The following IKZF3 variants were observed in gnomAD, a reference collection of about 807,000 sequenced individuals.
IKZF3 encodes zinc finger protein Aiolos.
Under a neutral mutation model 49.0 loss-of-function variants are expected in IKZF3, and 10 were observed. That is an observed-to-expected ratio of 0.20 (90% CI 0.13 to 0.35). The LOEUF is 0.35. Among genes scored for constraint, IKZF3 ranks in the 10% least tolerant of loss-of-function variants. The pLI is 1.00. For synonymous variants in IKZF3, 209 were observed against 228.2 expected (o/e 0.92, Z 0.76); for missense variants, 498 against 664.8 (o/e 0.75, Z 2.76).
intron 1 of IKZF3, chr17:39,835,697 C>T (rs2062256083): frequency 4.2e-6 from 2 of 475,258 alleles, no homozygotes; most frequent in African/African-American, 2.0e-5. Context: ...AGATCTGGGA[C>T]TGGAGCTCCC....
At chr17:39,805,626 T>C (rs1053957508) in intron 3 of IKZF3, among the ~76,000 whole-genome samples, 1 of 152,196 alleles carries the variant, frequency 6.6e-6, no homozygotes, top group African/African-American at 2.4e-5. Context: ...TGAGAAATAA[T>C]AGAAGAAACT....
At chr17:39,828,642 T>C (rs2062021685) in intron 3 of IKZF3, among the ~76,000 whole-genome samples, 1 of 152,088 alleles carries the variant, frequency 6.6e-6, no homozygotes, top group African/African-American at 2.4e-5. Flanking sequence ...TACTGTGCAG[T>C]ACTGTGAGAC....
At position 39,765,188 on chromosome 17, in the gene IKZF3, T is replaced by C. The variant is rs1437989181; in HGVS notation, c.*602A>G. On this transcript the variant is annotated 3_prime_UTR_variant, in exon 8 of 8. Transcript: ENST00000346872. Reference sequence around the variant, plus strand: ...GTAAAGGACAGAAGCAGAAGTGCCATCAGATGACATTTTTTAAAAATGTTG... The same window carrying C: ...GTAAAGGACAGAAGCAGAAGTGCCACCAGATGACATTTTTTAAAAATGTTG... The C allele has an allele frequency of 1.3e-5, 2 of 152,412 alleles. No homozygotes were observed. The highest frequency in any genetic ancestry group is 2.9e-5 in the Non-Finnish European group (2 of 68,070). The allele number at this position is 152,412 out of a possible 1,614,324, so 9.4% of individuals were successfully genotyped here.
At chr17:39,837,219 G>T (rs973393044) in intron 1 of IKZF3, among the ~76,000 whole-genome samples, 3 of 151,938 alleles carry the variant, frequency 2.0e-5, no homozygotes, top group African/African-American at 7.3e-5. Flanking sequence ...ACAGGTGTGA[G>T]CCACTGTGCC....
chr17:39,789,860 C>G (rs533406330), intron 5 of IKZF3, among the ~76,000 whole-genome samples: 2 of 143,980 alleles, frequency 1.4e-5, no homozygotes, highest in South Asian at 4.3e-4. Flanking sequence ...AAGATCACGC[C>G]ACTGCAACAG....
At chr17:39,771,220 T>C (rs1037997105) in intron 7 of IKZF3, among the ~76,000 whole-genome samples, 3 of 152,198 alleles carry the variant, frequency 2.0e-5, no homozygotes, top group African/African-American at 7.2e-5. Flanking sequence ...ATGGTTCCCA[T>C]AGCAGAGGGA....
chr17:39,800,250 T>C (rs1000607114), intron 3 of IKZF3, among the ~76,000 whole-genome samples: 4 of 152,238 alleles, frequency 2.6e-5, no homozygotes, highest in South Asian at 2.1e-4. Flanking sequence ...ACATCTTAAG[T>C]TGACACTTAG....
intron 7 of IKZF3, among the ~76,000 whole-genome samples, chr17:39,771,801 G>A (rs1442107944): frequency 1.3e-5 from 2 of 152,086 alleles, no homozygotes; most frequent in African/African-American, 2.4e-5. Flanking sequence ...TTGCAGTGGC[G>A]TGATCACAGC....
intron 1 of IKZF3, among the ~76,000 whole-genome samples, chr17:39,854,610 T>A (rs2062984422): frequency 6.6e-6 from 1 of 152,198 alleles, no homozygotes; most frequent in Admixed American, 6.6e-5. Context: ...GAATGAGGGA[T>A]GGCTTCCTAA....
intron 7 of IKZF3, among the ~76,000 whole-genome samples, chr17:39,772,872 C>T (rs1475808160): frequency 2.0e-5 from 3 of 152,142 alleles, no homozygotes; most frequent in Non-Finnish European, 4.4e-5. Flanking sequence ...GTTGCCCAAG[C>T]TGGTGCGATC....
chr17:39,790,179 G>A (rs1249940622), intron 5 of IKZF3, among the ~76,000 whole-genome samples: 2 of 151,984 alleles, frequency 1.3e-5, no homozygotes, highest in African/African-American at 4.8e-5. Context: ...AGAGGCTTTG[G>A]GATTTAAAGC....
At chr17:39,806,186 T>C (rs898278599) in intron 3 of IKZF3, among the ~76,000 whole-genome samples, 4 of 152,184 alleles carry the variant, frequency 2.6e-5, no homozygotes, top group Non-Finnish European at 4.4e-5. Context: ...CTATACCTAA[T>C]AGGGCTGTTA....
chr17:39,791,040 C>T (rs546318502), intron 5 of IKZF3, among the ~76,000 whole-genome samples: 2 of 152,210 alleles, frequency 1.3e-5, no homozygotes, highest in African/African-American at 4.8e-5. Context: ...ATTTGCTTGT[C>T]TCGTCTTTTG....
In IKZF3 at chr17:39,762,319, A is replaced by G. The variant is rs2060200616; in HGVS notation, c.*3471T>C. 1 of 152,242 alleles carries G rather than the reference A, an allele frequency of 6.6e-6. No individual in the cohort carries two copies. Among genetic ancestry groups the G allele is most frequent in the Non-Finnish European group, 1.5e-5 (1 of 68,050 alleles). 9.4% of individuals were successfully genotyped at this position (152,242 alleles called of 1,614,324 possible). A position where few individuals can be genotyped will look rare whatever the true frequency, so the allele number is the denominator to read the frequency against. On this transcript the variant is annotated 3_prime_UTR_variant, in exon 8 of 8. Coordinates refer to ENST00000346872, the MANE Select transcript of IKZF3 (RefSeq NM_012481.5). Reference sequence around the variant, plus strand: ...ACAGAAGGCAGCGTTTATCTGTGTGATGGTAACCACTGCATATCTGGTTCA... The same window carrying G: ...ACAGAAGGCAGCGTTTATCTGTGTGGTGGTAACCACTGCATATCTGGTTCA...
intron 1 of IKZF3, among the ~76,000 whole-genome samples, chr17:39,845,059 T>C (rs1229078202): frequency 1.3e-5 from 2 of 152,212 alleles, no homozygotes; most frequent in African/African-American, 4.8e-5. Flanking sequence ...TATATCTCTA[T>C]TGTTGATCCC....
chr17:39,835,068 G>A (rs1232812663), intron 1 of IKZF3: 2 of 420,840 alleles, frequency 4.8e-6, no homozygotes, highest in South Asian at 1.8e-5. Flanking sequence ...AAAGGAGCTG[G>A]AGCCCCCGCC....
At chr17:39,814,651 G>A (rs551731779) in intron 3 of IKZF3, among the ~76,000 whole-genome samples, 3 of 152,120 alleles carry the variant, frequency 2.0e-5, no homozygotes, top group South Asian at 2.1e-4. Context: ...TGAAGCCCAC[G>A]TGACAATGGA....
intron 7 of IKZF3, among the ~76,000 whole-genome samples, chr17:39,775,514 TATTATATTAAGTA>T (rs1411970652): frequency 2.0e-5 from 3 of 152,212 alleles, no homozygotes; most frequent in African/African-American, 7.2e-5. Flanking sequence ...AAGCAACTTT[TATTATATTAAGTA>T]GGGCTTTAGT....
chr17:39,811,291 T>C (rs1378884719), intron 3 of IKZF3, among the ~76,000 whole-genome samples: 1 of 81,400 alleles, frequency 1.2e-5, no homozygotes, highest in South Asian at 3.7e-4. Context: ...AGGGAGGAAA[T>C]AAAAAAAGAG....
Sources: gnomAD v4.1 joint callset for allele counts (sites outside exome capture counted in the v4.1 genomes callset) on GRCh38, gnomAD v4.1.1 for gene constraint, MANE v1.5 for transcripts, NCBI Gene and HGNC (gene_info 2026-07-23, HGNC 2026-07-21) for gene names.